SLC24A3: variants seen among roughly 807,000 people sequenced by gnomAD.
SLC24A3 encodes the protein solute carrier family 24 member 3.
A neutral mutation model predicts 75.8 loss-of-function variants in SLC24A3; 28 were observed. The ratio of observed to expected loss-of-function variants is 0.37; its 90% CI spans 0.27 to 0.51. The LOEUF is 0.51. Ranked by LOEUF, SLC24A3 falls within the 20% of genes least tolerant of loss-of-function variation. SLC24A3 has a pLI of 0.94. For synonymous variants in SLC24A3, 372 were observed against 334.1 expected (o/e 1.11, Z -1.24); for missense variants, 663 against 847.8 (o/e 0.78, Z 2.71).
intron 1 of SLC24A3, among the ~76,000 whole-genome samples, chr20:19,230,264 G>T (rs917433626): frequency 6.6e-6 from 1 of 152,086 alleles, no homozygotes; most frequent in Non-Finnish European, 1.5e-5. Flanking sequence ...ATGCTGAAGG[G>T]GTGGTTGTTG....
intron 2 of SLC24A3, among the ~76,000 whole-genome samples, chr20:19,417,187 A>T (rs1055502547): frequency 6.6e-6 from 1 of 152,210 alleles, no homozygotes; most frequent in Non-Finnish European, 1.5e-5. Flanking sequence ...AACCTTTAGC[A>T]TTAAAAAATT....
intron 6 of SLC24A3, among the ~76,000 whole-genome samples, chr20:19,599,982 G>C (rs1373931435): frequency 2.6e-5 from 4 of 152,190 alleles, no homozygotes; most frequent in Admixed American, 2.0e-4. Flanking sequence ...TCCTGTTTTG[G>C]AAACATGTTG....
chr20:19,542,453 TG>T (rs1487529663), intron 3 of SLC24A3, among the ~76,000 whole-genome samples: 4 of 152,208 alleles, frequency 2.6e-5, no homozygotes, highest in Non-Finnish European at 4.4e-5. Flanking sequence ...ACCTGTGTTT[TG>T]TTTTTGAAGT....
chr20:19,354,131 A>G (rs543138349), intron 2 of SLC24A3, among the ~76,000 whole-genome samples: 2 of 152,342 alleles, frequency 1.3e-5, no homozygotes, highest in East Asian at 3.9e-4. Flanking sequence ...CAAAGAATGC[A>G]CCCCTGAAAC....
intron 2 of SLC24A3, among the ~76,000 whole-genome samples, chr20:19,428,346 G>A (rs139212134): frequency 4.0e-4 from 61 of 152,254 alleles, no homozygotes; most frequent in African/African-American, 1.2e-3. Context: ...GCACTCAATC[G>A]ACACCGTGTT....
At chr20:19,594,063 C>T (rs2031418295) in intron 6 of SLC24A3, among the ~76,000 whole-genome samples, 1 of 152,148 alleles carries the variant, frequency 6.6e-6, no homozygotes, top group Non-Finnish European at 1.5e-5. Context: ...TGAGGGGAGG[C>T]GAAGGATTCC....
At chr20:19,677,984 G>A (rs1340126000) in intron 9 of SLC24A3, among the ~76,000 whole-genome samples, 2 of 151,554 alleles carry the variant, frequency 1.3e-5, no homozygotes, top group Non-Finnish European at 2.9e-5. Flanking sequence ...TTAACCCTGA[G>A]TGGACACAGC....
At chr20:19,562,274 G>T (rs750632416) in intron 3 of SLC24A3, among the ~76,000 whole-genome samples, 10 of 152,102 alleles carry the variant, frequency 6.6e-5, no homozygotes, top group Non-Finnish European at 1.3e-4. Flanking sequence ...ATCTCACATT[G>T]TTCCTCTAAC....
At chr20:19,616,321 T>A (rs186926697) in intron 6 of SLC24A3, among the ~76,000 whole-genome samples, 42 of 152,292 alleles carry the variant, frequency 2.8e-4, no homozygotes, top group African/African-American at 9.6e-4. Context: ...GATGGCCACA[T>A]CCCTCTGCAG....
intron 2 of SLC24A3, among the ~76,000 whole-genome samples, chr20:19,390,061 T>C (rs1290674986): frequency 6.6e-6 from 1 of 152,204 alleles, no homozygotes; most frequent in African/African-American, 2.4e-5. Flanking sequence ...GAATTTTTGT[T>C]GTTTCCTTTT....
At chr20:19,380,939 C>T (rs908102144) in intron 2 of SLC24A3, among the ~76,000 whole-genome samples, 5 of 152,024 alleles carry the variant, frequency 3.3e-5, no homozygotes, top group Non-Finnish European at 7.4e-5. Context: ...GACTTCTGAC[C>T]CTTTATAATA....
At chr20:19,521,421 T>C (rs116818437) in intron 3 of SLC24A3, among the ~76,000 whole-genome samples, 2,922 of 152,250 alleles carry the variant, frequency 0.019, 95 homozygotes, top group African/African-American at 0.064. Flanking sequence ...CAGGTTTCCA[T>C]AGGAGGCCTG....
intron 6 of SLC24A3, among the ~76,000 whole-genome samples, chr20:19,597,867 G>A (rs937581515): frequency 6.6e-5 from 10 of 152,074 alleles, no homozygotes; most frequent in South Asian, 2.1e-4. Context: ...ACATGATGAC[G>A]TCCAATTCCA....
At chr20:19,286,154 G>A (rs1600411938) in intron 2 of SLC24A3, among the ~76,000 whole-genome samples, 2 of 152,330 alleles carry the variant, frequency 1.3e-5, no homozygotes, top group African/African-American at 2.4e-5. Flanking sequence ...CTTGGCCTGT[G>A]TTTCAAGACC....
intron 2 of SLC24A3, among the ~76,000 whole-genome samples, chr20:19,505,223 A>T (rs1371075164): frequency 1.3e-5 from 2 of 152,182 alleles, no homozygotes; most frequent in Non-Finnish European, 2.9e-5. Flanking sequence ...GCTTCTCATG[A>T]TGTTGGATCA....
chr20:19,319,317 C>G (rs1362263321), intron 2 of SLC24A3, among the ~76,000 whole-genome samples: 1 of 152,208 alleles, frequency 6.6e-6, no homozygotes, highest in Non-Finnish European at 1.5e-5. Context: ...CATTTTCCAG[C>G]AGAACTGCCT....
chr20:19,289,852 G>GC (rs1325068186), intron 2 of SLC24A3, among the ~76,000 whole-genome samples: 10 of 152,264 alleles, frequency 6.6e-5, no homozygotes, highest in Middle Eastern at 3.4e-3. Context: ...TGCAGATGAA[G>GC]CTTCAGGTTT....
At chr20:19,302,649 A>G (rs1984222120) in intron 2 of SLC24A3, among the ~76,000 whole-genome samples, 1 of 152,212 alleles carries the variant, frequency 6.6e-6, no homozygotes, top group African/African-American at 2.4e-5. Flanking sequence ...TGCCTCATAT[A>G]TAAGTATGCA....
chr20:19,268,842 A>G (rs1983243335), intron 1 of SLC24A3, among the ~76,000 whole-genome samples: 1 of 152,246 alleles, frequency 6.6e-6, no homozygotes, highest in Non-Finnish European at 1.5e-5. Flanking sequence ...CTTTTCTACC[A>G]GTGAGACTGG....
Sources: allele counts gnomAD v4.1 joint callset (sites outside exome capture counted in the v4.1 genomes callset), GRCh38; gene constraint gnomAD v4.1.1; transcripts MANE v1.5; gene names NCBI Gene and HGNC (gene_info 2026-07-23, HGNC 2026-07-21).